The following FNDC3A variants were observed in gnomAD, a reference collection of about 807,000 sequenced individuals.
The protein encoded by FNDC3A is fibronectin type III domain containing 3A.
FNDC3A carries 32 observed loss-of-function variants against 148.9 expected under a neutral mutation model. That is an observed-to-expected ratio of 0.21 (90% CI 0.16 to 0.29). The LOEUF (loss-of-function observed/expected upper bound fraction) is 0.29. Among genes scored for constraint, FNDC3A ranks in the 10% least tolerant of loss-of-function variants. The pLI, the probability that FNDC3A is intolerant of heterozygous loss-of-function variation, is 1.00. For missense variants in FNDC3A, 1,191 were observed against 1,452.8 expected, an observed-to-expected ratio of 0.82 and a Z score of 2.93; for synonymous variants, 472 against 473.6, an observed-to-expected ratio of 1.00 and a Z score of 0.04.
At chr13:49,134,022 C>T (rs2137932099) in intron 5 of FNDC3A, among the ~76,000 whole-genome samples, 1 of 152,266 alleles carries the variant, frequency 6.6e-6, no homozygotes, top group Admixed American at 6.5e-5. Flanking sequence ...CATCATTTTA[C>T]ACTTCAGTGG....
Position 49,191,093 on chromosome 13 carries a change from A to G in FNDC3A, c.2023A>G (p.Lys675Glu). The G allele has an allele frequency of 6.2e-7, 1 of 1,613,828 alleles. No homozygotes were observed. Among genetic ancestry groups the G allele is most frequent in the Non-Finnish European group, 8.5e-7 (1 of 1,179,902 alleles). Residue 675 changes from lysine (K) to glutamate (E), a missense_variant, in exon 18 of 26, where the codon AAA (lysine) becomes GAA (glutamate). Coordinates refer to ENST00000492622, the MANE Select transcript of FNDC3A (RefSeq NM_001079673.2). ...CLPPRLQGRP[K>E]AKEIQLRWGP... Reference sequence around the variant, plus strand: ...CCCTCCCAGATTACAGGGTAGACCCAAAGCAAAAGAAATACAGTTACGATG... The same window carrying G: ...CCCTCCCAGATTACAGGGTAGACCCGAAGCAAAAGAAATACAGTTACGATG...
At chr13:49,166,055 GCTAA>G (rs1294261931) in intron 8 of FNDC3A, among the ~76,000 whole-genome samples, 2 of 152,202 alleles carry the variant, frequency 1.3e-5, no homozygotes, top group African/African-American at 4.8e-5. Context: ...GTTTGTAGGT[GCTAA>G]CTGTGTTGGC....
chr13:49,016,409 C>A (rs555214948), intron 2 of FNDC3A, among the ~76,000 whole-genome samples: 1 of 152,136 alleles, frequency 6.6e-6, no homozygotes, highest in Non-Finnish European at 1.5e-5. Flanking sequence ...TTGTAGTATT[C>A]TCTGATGGTA....
intron 1 of FNDC3A, chr13:48,987,901 G>A (rs1420503289): frequency 6.6e-6 from 1 of 152,154 alleles, no homozygotes; most frequent in Admixed American, 6.5e-5. Flanking sequence ...TATTTAAATA[G>A]CATAAATTTG....
intron 14 of FNDC3A, among the ~76,000 whole-genome samples, chr13:49,181,211 A>G (rs926923181): frequency 6.6e-6 from 1 of 152,226 alleles, no homozygotes; most frequent in Non-Finnish European, 1.5e-5. Flanking sequence ...TCTCCCAGAT[A>G]ATGAGGTTGG....
At chr13:49,049,283 T>A (rs1403022554) in intron 2 of FNDC3A, among the ~76,000 whole-genome samples, 1 of 152,158 alleles carries the variant, frequency 6.6e-6, no homozygotes, top group Non-Finnish European at 1.5e-5. Context: ...TTTTGTTTCG[T>A]CCTTCCCTGG....
At chr13:49,128,862 A>G (rs1881861966) in intron 4 of FNDC3A, among the ~76,000 whole-genome samples, 2 of 152,222 alleles carry the variant, frequency 1.3e-5, no homozygotes, top group East Asian at 3.8e-4. Context: ...CCAGATTTCT[A>G]CATAGTTAAT....
At chr13:49,153,894 C>A (rs1883480651) in intron 8 of FNDC3A, among the ~76,000 whole-genome samples, 1 of 126,120 alleles carries the variant, frequency 7.9e-6, no homozygotes, top group Admixed American at 8.7e-5. Context: ...GTTTTGGTAC[C>A]AGTACCATGC....
At chr13:49,045,790 C>CTT (rs11316518) in intron 2 of FNDC3A, 58 of 162,490 alleles carry the variant, frequency 3.6e-4, no homozygotes, top group South Asian at 5.2e-4. Flanking sequence ...AATGACAGTC[C>CTT]TTTTTTTTTT....
At chr13:49,188,664 G>A (rs1186413780) in intron 17 of FNDC3A, 31 bp downstream of exon 17, 1 of 1,481,632 alleles carries the variant, frequency 6.7e-7, no homozygotes, top group Admixed American at 1.7e-5. Flanking sequence ...CTTTTGTGTT[G>A]TTATTAAGTT....
chr13:49,206,627 T>G (rs1886659855), intron 25 of FNDC3A, among the ~76,000 whole-genome samples: 1 of 152,220 alleles, frequency 6.6e-6, no homozygotes, highest in African/African-American at 2.4e-5. Flanking sequence ...AAGCTCCCCT[T>G]ATTCATTTTC....
intron 19 of FNDC3A, among the ~76,000 whole-genome samples, chr13:49,192,255 A>G (rs1337495879): frequency 6.6e-6 from 1 of 152,184 alleles, no homozygotes; most frequent in African/African-American, 2.4e-5. Flanking sequence ...GTTTTCCAAC[A>G]GGGTTCTGTA....
intron 8 of FNDC3A, among the ~76,000 whole-genome samples, chr13:49,155,419 T>C (rs1356146556): frequency 6.6e-6 from 1 of 151,256 alleles, no homozygotes; most frequent in Admixed American, 6.6e-5. Context: ...TTTTTTTCTT[T>C]ATTAGTCTTG....
chr13:49,093,448 G>A (rs1488087156), intron 3 of FNDC3A, among the ~76,000 whole-genome samples: 1 of 152,146 alleles, frequency 6.6e-6, no homozygotes, highest in Non-Finnish European at 1.5e-5. Context: ...ACCAGTTAGT[G>A]TTGTAAACAC....
chr13:49,132,506 G>T (rs1488000602), intron 5 of FNDC3A, among the ~76,000 whole-genome samples: 1 of 152,192 alleles, frequency 6.6e-6, no homozygotes, highest in Non-Finnish European at 1.5e-5. Context: ...AACTGCCATT[G>T]TGTAGCACAG....
intron 2 of FNDC3A, among the ~76,000 whole-genome samples, chr13:49,013,949 A>T (rs1952430566): frequency 6.6e-6 from 1 of 151,496 alleles, no homozygotes; most frequent in Non-Finnish European, 1.5e-5. Context: ...ATAGCTGCAT[A>T]GTATTCCATG....
chr13:49,141,845 T>A (rs901222916), intron 7 of FNDC3A, among the ~76,000 whole-genome samples: 1 of 152,162 alleles, frequency 6.6e-6, no homozygotes, highest in African/African-American at 2.4e-5. Context: ...CTTAGACAGA[T>A]TTTTACACAA....
chr13:49,046,955 C>T (rs560285412), intron 2 of FNDC3A, among the ~76,000 whole-genome samples: 46 of 152,082 alleles, frequency 3.0e-4, no homozygotes, highest in Non-Finnish European at 5.4e-4. Context: ...ACCCATCATC[C>T]GAGCAGTGTA....
At chr13:49,012,066 T>C (rs1178807046) in intron 2 of FNDC3A, among the ~76,000 whole-genome samples, 2 of 152,198 alleles carry the variant, frequency 1.3e-5, no homozygotes, top group Non-Finnish European at 2.9e-5. Context: ...GTATCTATGA[T>C]ACATTGTTAC....
Sources: gnomAD v4.1 joint callset for allele counts (sites outside exome capture counted in the v4.1 genomes callset) on GRCh38, gnomAD v4.1.1 for gene constraint, MANE v1.5 for transcripts, NCBI Gene and HGNC (gene_info 2026-07-23, HGNC 2026-07-21) for gene names.